Variants in SP3 observed in about 807,000 individuals in gnomAD.
SP3 encodes the protein transcription factor Sp3.
SP3 carries 10 observed loss-of-function variants against 70.3 expected under a neutral mutation model. The ratio of observed to expected loss-of-function variants is 0.14; its 90% CI spans 0.09 to 0.24. SP3 has a LOEUF of 0.24. Ranked by LOEUF, SP3 falls within the 10% of genes least tolerant of loss-of-function variation. The pLI is 1.00. For synonymous variants in SP3, 402 were observed against 333.5 expected, an observed-to-expected ratio of 1.21 and a Z score of -2.24; for missense variants, 825 against 914.6, an observed-to-expected ratio of 0.90 and a Z score of 1.26.
rs1217939530 is a variant in SP3, at chr2:173,906,138, C to A, written c.*3803G>T. On this transcript the variant is annotated 3_prime_UTR_variant, in exon 7 of 7. Transcript: ENST00000310015. The stretch of plus-strand genomic sequence containing the variant: ...GCAGCCCCTCTTAAAAATTTTTCCA[C>A]TCTGTCCCTCACAAAGTCCCCCATC... Among the ~76,000 whole-genome samples the A allele has an allele frequency of 6.6e-6, 1 of 151,856 alleles. No individual in the cohort carries two copies. The highest frequency in any genetic ancestry group is 6.6e-5 in the Admixed American group (1 of 15,106).
chr2:173,956,438 G>C (rs145811597), intron 3 of SP3, among the ~76,000 whole-genome samples: 17 of 152,216 alleles, frequency 1.1e-4, no homozygotes, highest in African/African-American at 4.1e-4. Context: ...CATCCTATTT[G>C]AGTGGGATAA....
chr2:173,959,659 C>T (rs951589239), intron 3 of SP3, among the ~76,000 whole-genome samples: 4 of 152,022 alleles, frequency 2.6e-5, no homozygotes, highest in African/African-American at 7.2e-5. Flanking sequence ...GGGGCTGAGG[C>T]GGAAGAATGG....
upstream of SP3, chr2:173,965,498 C>A: frequency 6.3e-6 from 2 of 318,056 alleles, no homozygotes; most frequent in Non-Finnish European, 1.2e-5. Context: ...CTGTTTGCCC[C>A]CGGGTGGAAG....
chr2:173,938,317 C>T (rs1426664608), intron 4 of SP3, among the ~76,000 whole-genome samples: 3 of 151,764 alleles, frequency 2.0e-5, no homozygotes, highest in East Asian at 1.9e-4. Context: ...ATTAGCCGGG[C>T]GTGGTGGTGG....
In SP3 at chr2:173,905,630, T is replaced by C. The variant is rs184602665; in HGVS notation, c.*4311A>G. ...ATACATGACACCTTTTTAAAAAATA[T>C]ATTCATATCATGAAGACTTTATAAC... On this transcript the variant is annotated 3_prime_UTR_variant, in exon 7 of 7. Coordinates refer to ENST00000310015, the MANE Select transcript of SP3 (RefSeq NM_003111.5). Among the ~76,000 whole-genome samples, 3 of 152,058 alleles carry C rather than the reference T, an allele frequency of 2.0e-5. No individual in the cohort carries two copies. Among genetic ancestry groups the C allele is most frequent in the Admixed American group, 2.0e-4 (3 of 15,272 alleles).
chr2:173,913,323 A>AATGT, intron 5 of SP3, 57 bp from the exon 6 acceptor site: 4 of 1,221,470 alleles, frequency 3.3e-6, no homozygotes, highest in Non-Finnish European at 4.4e-6. Context: ...AATGGACATT[A>AATGT]CCATTTACAT....
rs1690835878 is a variant in SP3, at chr2:173,955,089, G to C, written c.1423C>G (p.Gln475Glu). Residue 475 changes from glutamine to glutamate, a missense_variant, in exon 4 of 7, where the codon CAG becomes GAG. Around this residue, in one of 4 missense-constraint regions of SP3, gnomAD observed 678 missense variants for 651.6 expected, o/e 1.04. Coordinates refer to ENST00000310015, the MANE Select transcript of SP3 (RefSeq NM_003111.5). ...TFQVQGVQNL[Q>E]NLQIQNTAAQ... ...GCAGTATTCTGTATTTGCAAATTCTGCAAGTTCTGGACCCCTTGTACTTGA... is the reference window on the plus strand; with the variant it reads ...GCAGTATTCTGTATTTGCAAATTCTCCAAGTTCTGGACCCCTTGTACTTGA... The C allele has an allele frequency of 6.2e-7, 1 of 1,614,164 alleles. No homozygotes were observed. Among genetic ancestry groups the C allele is most frequent in the Non-Finnish European group, 8.5e-7 (1 of 1,180,018 alleles).
chr2:173,947,996 G>A (rs1011578086), intron 4 of SP3, among the ~76,000 whole-genome samples: 6 of 152,034 alleles, frequency 3.9e-5, no homozygotes, highest in South Asian at 2.1e-4. Flanking sequence ...TCTCATCTCC[G>A]TAAATCTTCA....
At chr2:173,965,127 G>A in intron 1 of SP3, 38 bp downstream of exon 1, 1 of 1,547,616 alleles carries the variant, frequency 6.5e-7, no homozygotes. Flanking sequence ...AGCGGCGGCG[G>A]CGGCAGCAGC....
chr2:173,965,448 T>A (rs1406627090), upstream of SP3: 1 of 420,228 alleles, frequency 2.4e-6, no homozygotes, highest in African/African-American at 2.1e-5. Flanking sequence ...TGCTCATTGG[T>A]CCAGGCGCCT....
rs912706024 is a variant in SP3, at chr2:173,955,936, T to C, written c.576A>G (p.Ser192=). The C allele has an allele frequency of 2.5e-6, 4 of 1,614,076 alleles. No homozygotes were observed. Among genetic ancestry groups the C allele is most frequent in the Non-Finnish European group, 3.4e-6 (4 of 1,180,040 alleles). The part of the protein sequence containing the change: ...QQVQIGFTGS[S]DNGGINQESS... ...TTTCTTGATTTATACCCCCATTATC[T>C]GAAGAGCCTGTGAAACCAATTTGAA... Residue 192 remains serine, a synonymous_variant, in exon 4 of 7, where the codon TCA becomes TCG. Transcript: ENST00000310015.
At chr2:173,935,178 T>C (rs2105476536) in intron 4 of SP3, among the ~76,000 whole-genome samples, 1 of 152,262 alleles carries the variant, frequency 6.6e-6, no homozygotes, top group Admixed American at 6.5e-5. Flanking sequence ...GGGGCTGCAG[T>C]AAGCTATGAT....
At chr2:173,929,427 A>G (rs932229840) in intron 4 of SP3, among the ~76,000 whole-genome samples, 2 of 152,224 alleles carry the variant, frequency 1.3e-5, no homozygotes, top group East Asian at 3.8e-4. Flanking sequence ...AATCACCTCT[A>G]TATCAAGTCC....
intron 4 of SP3, 148 bp downstream of exon 4, chr2:173,954,725 T>C (rs1690822123): frequency 1.4e-6 from 1 of 710,938 alleles, no homozygotes; most frequent in Non-Finnish European, 2.3e-6. Flanking sequence ...GATACTTTGA[T>C]GTCTACTTTC....
rs527925801 is a variant in SP3, at chr2:173,936,516, G to A, written c.1640-17731C>T. 8.5e-5 allele frequency among the ~76,000 whole-genome samples: 13 copies of A among 152,178 alleles called. No individual in the cohort carries two copies. In the East Asian group the frequency reaches 1.2e-3, roughly 14 times the overall value. On this transcript the variant is annotated intron_variant, in intron 4 of 6. Coordinates refer to ENST00000310015, the MANE Select transcript of SP3 (RefSeq NM_003111.5). ...TCTCTCACCATACTTATTCAAATGT[G>A]TCCTATCAGCCACCAGTCACCAAAC... is the stretch of plus-strand genomic sequence containing the variant.
In SP3 at chr2:173,906,485, AAAAT is replaced by A. The variant is rs1689325142; in HGVS notation, c.*3452_*3455del. ...CAGTTTTAAACATACTGTTTAGTGAAAAATAATTCTTTTACAACAAAAACGATTG... is the reference window on the plus strand; with the variant it reads ...CAGTTTTAAACATACTGTTTAGTGAAAATTCTTTTACAACAAAAACGATTG... On this transcript the variant is annotated 3_prime_UTR_variant, in exon 7 of 7. Transcript: ENST00000310015. The A allele has an allele frequency of 6.6e-6, 1 of 152,218 alleles. No individual in the cohort carries two copies. Among genetic ancestry groups the A allele is most frequent in the African/African-American group, 2.4e-5 (1 of 41,450 alleles). The allele number at this position is 152,218 out of a possible 1,614,324, so 9.4% of individuals were successfully genotyped here.
chr2:173,944,341 C>T (rs555756083), intron 4 of SP3, among the ~76,000 whole-genome samples: 1 of 152,274 alleles, frequency 6.6e-6, no homozygotes, highest in East Asian at 1.9e-4. Flanking sequence ...CGAGGCCACC[C>T]TGGGCAACAT....
chr2:173,910,751 AAAG>A (rs1331371126), intron 6 of SP3, among the ~76,000 whole-genome samples: 1 of 152,216 alleles, frequency 6.6e-6, no homozygotes, highest in Non-Finnish European at 1.5e-5. Context: ...TGAGATCCAA[AAAG>A]AATGAGTAAT....
chr2:173,941,127 TAAAAA>T (rs71021605), intron 4 of SP3, among the ~76,000 whole-genome samples: 2 of 93,000 alleles, frequency 2.2e-5, no homozygotes, highest in Non-Finnish European at 4.7e-5. Flanking sequence ...ACAACACGAG[TAAAAA>T]AAAAAAAAAA....
Sources: gnomAD v4.1 joint callset for allele counts (sites outside exome capture counted in the v4.1 genomes callset) on GRCh38, gnomAD v4.1.1 for gene constraint, gnomAD v4.1.1 regional missense constraint, MANE v1.5 for transcripts, NCBI Gene and HGNC (gene_info 2026-07-23, HGNC 2026-07-21) for gene names.